The following CDCP1 variants were observed in gnomAD, a reference collection of about 807,000 sequenced individuals.
CDCP1 encodes CUB domain-containing protein 1.
In CDCP1, 29 loss-of-function variants were observed where a neutral mutation model predicts 60.2. That is an observed-to-expected ratio of 0.48 (90% CI 0.36 to 0.66). The LOEUF (loss-of-function observed/expected upper bound fraction) is 0.66. Ranked by LOEUF, CDCP1 falls within the 30% of genes least tolerant of loss-of-function variation. The pLI, the probability that CDCP1 is intolerant of heterozygous loss-of-function variation, is 0.00. For missense variants in CDCP1, 876 were observed against 1,074.3 expected (o/e 0.82, Z 2.58); for synonymous variants, 387 against 431.1 (o/e 0.90, Z 1.27).
chr3:45,112,006 T>C lies in CDCP1; in HGVS notation c.655+77A>G. 7 of 1,523,646 alleles carry C rather than the reference T, an allele frequency of 4.6e-6. No homozygotes were observed. In the South Asian group the frequency reaches 7.5e-5, roughly 16 times the overall value. 94.4% of individuals were successfully genotyped at this position (1,523,646 alleles called of 1,614,324 possible). The stretch of plus-strand genomic sequence containing the variant: ...TTGAGTATTAGAGATTTGCTGACAT[T>C]TGACCATTTCTGACCTAGAACAATG... On this transcript the variant is annotated intron_variant, in intron 3 of 8. Coordinates refer to ENST00000296129, the MANE Select transcript of CDCP1 (RefSeq NM_022842.5).
At chr3:45,138,445 T>C (rs1699226459) in intron 1 of CDCP1, among the ~76,000 whole-genome samples, 1 of 152,270 alleles carries the variant, frequency 6.6e-6, no homozygotes, top group African/African-American at 2.4e-5. Context: ...TGTCTGCCTA[T>C]TGAATATCTA....
chr3:45,116,583 A>T (rs1281814712), intron 2 of CDCP1, among the ~76,000 whole-genome samples: 1 of 152,238 alleles, frequency 6.6e-6, no homozygotes, highest in Non-Finnish European at 1.5e-5. Context: ...CTGTGACATG[A>T]TACAAACCTC....
chr3:45,100,706 A>C (rs1022612917), intron 4 of CDCP1, among the ~76,000 whole-genome samples: 1 of 152,228 alleles, frequency 6.6e-6, no homozygotes, highest in Admixed American at 6.5e-5. Flanking sequence ...AAAATGCTTT[A>C]AAAATGTTCT....
Position 45,115,642 on chromosome 3 carries a change from G to A in CDCP1, c.292+2770C>T, listed in dbSNP as rs967783845. 2.0e-5 allele frequency among the ~76,000 whole-genome samples: 3 copies of A among 152,014 alleles called. No homozygotes were observed. The East Asian group carries it at 5.8e-4, about 29-fold the overall frequency. ...CTTCATTAAAATTTTAATTATAATT[G>A]ACTTAAATTGATAAATTAATATAGG... On this transcript the variant is annotated intron_variant, in intron 2 of 8. Transcript: ENST00000296129.
intron 1 of CDCP1, among the ~76,000 whole-genome samples, chr3:45,130,555 G>A (rs1699073600): frequency 6.6e-6 from 1 of 152,200 alleles, no homozygotes; most frequent in Non-Finnish European, 1.5e-5. Context: ...GTGCCTGTAA[G>A]GTCCTGGGCA....
chr3:45,085,598 T>G lies in CDCP1; in HGVS notation c.*40A>C. Reference sequence around the variant, plus strand: ...AACACGGACGGGTGTCTCAGTGCCCTGCTTTATGAAACTCAGCAAAGCGTC... The same window carrying G: ...AACACGGACGGGTGTCTCAGTGCCCGGCTTTATGAAACTCAGCAAAGCGTC... On this transcript the variant is annotated 3_prime_UTR_variant, in exon 9 of 9. Transcript: ENST00000296129. This position sits in a 1 kb window ranked among gnomAD's most constrained non-coding sequence, Gnocchi z 4.2. The G allele has an allele frequency of 6.4e-7, 1 of 1,564,336 alleles. No homozygotes were observed.
At chr3:45,108,684 T>TATATATATGTGCATGTATAC (rs1227980019) in intron 4 of CDCP1, among the ~76,000 whole-genome samples, 1 of 146,630 alleles carries the variant, frequency 6.8e-6, no homozygotes, top group Admixed American at 6.8e-5. Flanking sequence ...ACACACACTA[T>TATATATATGTGCATGTATAC]ATATATATGT....
At chr3:45,105,567 T>C (rs1038575749) in intron 4 of CDCP1, among the ~76,000 whole-genome samples, 2 of 152,176 alleles carry the variant, frequency 1.3e-5, no homozygotes, top group Non-Finnish European at 2.9e-5. Flanking sequence ...GATAATAGTT[T>C]GTTTGGTATT....
At chr3:45,122,854 CT>C (rs1698910225) in intron 1 of CDCP1, among the ~76,000 whole-genome samples, 1 of 152,162 alleles carries the variant, frequency 6.6e-6, no homozygotes, top group African/African-American at 2.4e-5. Flanking sequence ...GTGCAAATGA[CT>C]TAATGATAAA....
intron 8 of CDCP1, among the ~76,000 whole-genome samples, chr3:45,087,620 ACCT>A (rs1422284512): frequency 2.0e-5 from 3 of 152,086 alleles, no homozygotes; most frequent in Admixed American, 2.0e-4. Flanking sequence ...TGGGGAAAAG[ACCT>A]CCTGCAAGCC....
chr3:45,125,958 G>A lies in CDCP1; in HGVS notation c.83-7337C>T, dbSNP rs183218141. On this transcript the variant is annotated intron_variant, in intron 1 of 8. Coordinates refer to ENST00000296129, the MANE Select transcript of CDCP1 (RefSeq NM_022842.5). ...CCTTCTCCAAGTTTGCTGAACTCAGGAGGCAGCTGGGACATTCTGGTTCAA... is the reference window on the plus strand; with the variant it reads ...CCTTCTCCAAGTTTGCTGAACTCAGAAGGCAGCTGGGACATTCTGGTTCAA... 2.0e-4 allele frequency among the ~76,000 whole-genome samples: 31 copies of A among 152,254 alleles called. No individual in the cohort carries two copies. The East Asian group carries it at 5.6e-3, about 28-fold the overall frequency.
intron 1 of CDCP1, among the ~76,000 whole-genome samples, chr3:45,125,118 GA>G (rs141066486): frequency 1.2e-3 from 178 of 152,286 alleles, no homozygotes; most frequent in Admixed American, 2.9e-3. Flanking sequence ...TGCCAACCAG[GA>G]ACTGTGAGAT....
At chr3:45,105,406 G>A (rs1371776299) in intron 4 of CDCP1, among the ~76,000 whole-genome samples, 1 of 152,170 alleles carries the variant, frequency 6.6e-6, no homozygotes, top group Non-Finnish European at 1.5e-5. Flanking sequence ...GCTTCTGGAG[G>A]TTGTAAAAGC....
chr3:45,090,951 C>A (rs749398710), intron 7 of CDCP1, among the ~76,000 whole-genome samples: 5 of 152,194 alleles, frequency 3.3e-5, no homozygotes, highest in African/African-American at 4.8e-5. Flanking sequence ...CCAGCTCAGA[C>A]CAGAATTGCC....
intron 1 of CDCP1, among the ~76,000 whole-genome samples, chr3:45,120,690 G>A (rs926716268): frequency 3.3e-5 from 5 of 152,114 alleles, no homozygotes; most frequent in African/African-American, 7.2e-5. Context: ...TGGCTTCTGC[G>A]TGTAACCCTC....
At chr3:45,142,694 G>A (rs992406248) in intron 1 of CDCP1, among the ~76,000 whole-genome samples, 3 of 152,104 alleles carry the variant, frequency 2.0e-5, no homozygotes, top group Middle Eastern at 3.4e-3. Flanking sequence ...ATGGAAATAC[G>A]CAACTAAAGC....
intron 4 of CDCP1, among the ~76,000 whole-genome samples, chr3:45,109,342 A>T (rs949029755): frequency 6.6e-6 from 1 of 152,098 alleles, no homozygotes; most frequent in Non-Finnish European, 1.5e-5. Context: ...TGGATCCCAC[A>T]CTGCCACTTT....
In CDCP1 at chr3:45,095,458, C is replaced by G. The variant is rs1332955059; in HGVS notation, c.1135G>C (p.Glu379Gln). 6.2e-7 allele frequency: 1 copy of G among 1,614,162 alleles called. No homozygotes were observed. Among genetic ancestry groups the G allele is most frequent in the Non-Finnish European group, 8.5e-7 (1 of 1,180,032 alleles). ...AGGTTGCTACTGCAGGTCCGAGATT[C>G]TAGACACACGAAACAGCCAGGGACA... ...KFVPGCFVCL[E>Q]SRTCSSNLTL... Residue 379 changes from glutamate (E) to glutamine (Q), a missense_variant, in exon 5 of 9, where the codon GAA (glutamate) becomes CAA (glutamine). By Grantham distance (29) the Glu-to-Gln change is conservative. Transcript: ENST00000296129.
rs932846866 is a variant in CDCP1, at chr3:45,091,660, C to T, written c.1628-122G>A. 11 of 1,214,224 alleles carry T rather than the reference C, an allele frequency of 9.1e-6. No homozygotes were observed. The highest frequency in any genetic ancestry group is 2.8e-5 in the Admixed American group (1 of 35,322). The allele number at this position is 1,214,224 out of a possible 1,614,324, so 75.2% of individuals were successfully genotyped here. The stretch of plus-strand genomic sequence containing the variant: ...CAGCGCTGTCTAACCGAACTTTCTG[C>T]GATGATGGAAATCTTCTAGATCTGC... On this transcript the variant is annotated intron_variant, in intron 6 of 8. Coordinates refer to ENST00000296129, the MANE Select transcript of CDCP1 (RefSeq NM_022842.5). This position sits in a 1 kb window ranked among gnomAD's most constrained non-coding sequence, Gnocchi z 4.8.
Sources: allele counts gnomAD v4.1 joint callset (sites outside exome capture counted in the v4.1 genomes callset), GRCh38; gene constraint gnomAD v4.1.1; non-coding constraint Gnocchi (gnomAD v3.1); transcripts MANE v1.5; gene names NCBI Gene and HGNC (gene_info 2026-07-23, HGNC 2026-07-21).